The following RNF216 variants were observed in gnomAD, a reference collection of about 807,000 sequenced individuals.
RNF216 encodes the protein ring finger protein 216, also known as E3 ubiquitin-protein ligase RNF216.
In RNF216, 72 loss-of-function variants were observed where a neutral mutation model predicts 110.8. The ratio of observed to expected loss-of-function variants is 0.65; its 90% CI spans 0.54 to 0.79. The LOEUF (loss-of-function observed/expected upper bound fraction) is 0.79. Among genes scored for constraint, RNF216 ranks in the 30% least tolerant of loss-of-function variants. The pLI is 0.00. For missense variants in RNF216, 1,342 were observed against 1,141.2 expected, an observed-to-expected ratio of 1.18 and a Z score of -2.54; for synonymous variants, 495 against 407.5, an observed-to-expected ratio of 1.21 and a Z score of -2.59.
intron 1 of RNF216, among the ~76,000 whole-genome samples, chr7:5,775,383 T>G (rs1287129034): frequency 6.6e-6 from 1 of 152,206 alleles, no homozygotes; most frequent in Non-Finnish European, 1.5e-5. Flanking sequence ...CTCCTTGTTC[T>G]ATTCATGCTG....
intron 13 of RNF216, among the ~76,000 whole-genome samples, chr7:5,694,875 C>A (rs531755783): frequency 6.6e-6 from 1 of 152,336 alleles, no homozygotes; most frequent in African/African-American, 2.4e-5. Context: ...TGATTTTGAA[C>A]ATTTATTTAT....
chr7:5,708,134 G>C (rs1376764286), intron 13 of RNF216, among the ~76,000 whole-genome samples: 3 of 152,164 alleles, frequency 2.0e-5, no homozygotes, highest in Non-Finnish European at 4.4e-5. Flanking sequence ...TCTTAAATTT[G>C]TTAAGACCTG....
chr7:5,726,437 T>A (rs1038912100), intron 7 of RNF216, among the ~76,000 whole-genome samples: 3 of 152,210 alleles, frequency 2.0e-5, no homozygotes, highest in South Asian at 2.1e-4. Flanking sequence ...CTCTTCTCTG[T>A]GTGCACCTAT....
At chr7:5,627,916 C>T (rs553472469) in intron 15 of RNF216, among the ~76,000 whole-genome samples, 81 of 152,274 alleles carry the variant, frequency 5.3e-4, no homozygotes, top group East Asian at 2.9e-3. Context: ...ACTAAGCTTC[C>T]GTGATAAATC....
At chr7:5,771,784 T>A (rs569939761) in intron 1 of RNF216, among the ~76,000 whole-genome samples, 1 of 151,370 alleles carries the variant, frequency 6.6e-6, no homozygotes, top group East Asian at 1.9e-4. Context: ...GCAATGGGAG[T>A]GAAACCCTGT....
At chr7:5,694,276 A>G (rs901928924) in intron 13 of RNF216, among the ~76,000 whole-genome samples, 1 of 152,252 alleles carries the variant, frequency 6.6e-6, no homozygotes, top group Non-Finnish European at 1.5e-5. Flanking sequence ...AGGTCTAGGT[A>G]TGCAGTACTT....
At chr7:5,656,031 G>A (rs1788719110) in intron 13 of RNF216, among the ~76,000 whole-genome samples, 1 of 152,112 alleles carries the variant, frequency 6.6e-6, no homozygotes, top group Non-Finnish European at 1.5e-5. Context: ...CACTTTGGAA[G>A]GCTGAGGGGA....
intron 2 of RNF216, among the ~76,000 whole-genome samples, chr7:5,757,680 G>C (rs979809209): frequency 1.3e-5 from 2 of 152,104 alleles, no homozygotes; most frequent in African/African-American, 4.8e-5. Context: ...TATATGAAAT[G>C]ACAGAGTCAA....
intron 5 of RNF216, among the ~76,000 whole-genome samples, chr7:5,736,002 AG>A (rs1794374079): frequency 6.6e-6 from 1 of 152,190 alleles, no homozygotes; most frequent in African/African-American, 2.4e-5. Context: ...CTGAGGCAGG[AG>A]AATCACTTGA....
intron 13 of RNF216, among the ~76,000 whole-genome samples, chr7:5,668,963 A>C (rs888763496): frequency 5.3e-5 from 8 of 152,222 alleles, no homozygotes. Flanking sequence ...GCTCTTATCC[A>C]GCCGAAATCT....
chr7:5,747,802 A>G (rs1261655297), intron 3 of RNF216, among the ~76,000 whole-genome samples: 2 of 151,274 alleles, frequency 1.3e-5, no homozygotes, highest in African/African-American at 2.4e-5. Context: ...AAAATAAATA[A>G]TAACTAGATA....
Position 5,754,193 on chromosome 7 carries a change from T to C in RNF216, c.68-1214A>G, listed in dbSNP as rs187285569. 8.6e-5 allele frequency among the ~76,000 whole-genome samples: 13 copies of C among 151,296 alleles called. 1 individual carries two copies. The South Asian group carries it at 1.3e-3, about 15-fold the overall frequency. Reference sequence around the variant, plus strand: ...TTGTCTGGGACAGGGTCTTGCTCTATTGCCCAGACTGCAGTACAATGGTGC... The same window carrying C: ...TTGTCTGGGACAGGGTCTTGCTCTACTGCCCAGACTGCAGTACAATGGTGC... On this transcript the variant is annotated intron_variant, in intron 2 of 16. Transcript: ENST00000389902.
intron 13 of RNF216, among the ~76,000 whole-genome samples, chr7:5,702,336 G>A (rs927515480): frequency 6.6e-6 from 1 of 152,170 alleles, no homozygotes; most frequent in African/African-American, 2.4e-5. Flanking sequence ...GGATAAAGTA[G>A]CTGAAATACA....
chr7:5,754,551 G>A (rs1333868496), intron 2 of RNF216, among the ~76,000 whole-genome samples: 1 of 152,086 alleles, frequency 6.6e-6, no homozygotes. Flanking sequence ...TCATTCTGAA[G>A]AGATACTGAG....
Position 5,729,683 on chromosome 7 carries a change from AAAG to A in RNF216, c.1225-90_1225-88del, listed in dbSNP as rs1050727781. The A allele has an allele frequency of 7.3e-5, 81 of 1,116,208 alleles. No homozygotes were observed. In the African/African-American group the frequency reaches 1.2e-3, roughly 16 times the overall value. The allele number at this position is 1,116,208 out of a possible 1,614,324, so 69.1% of individuals were successfully genotyped here. On this transcript the variant is annotated intron_variant, in intron 6 of 16. Coordinates refer to ENST00000389902, the MANE Select transcript of RNF216 (RefSeq NM_207111.4). ...TCATTTTAAGAATTACATGTGTAGA[AAAG>A]AATAACATTTGTTCTAATTACTCTA...
rs566919136 is a variant in RNF216 at position 5,659,969 on chromosome 7, T to C, written c.2062-7459A>G. Among the ~76,000 whole-genome samples the C allele has an allele frequency of 2.2e-4, 33 of 151,584 alleles. No homozygotes were observed. The South Asian group carries it at 6.7e-3, about 31-fold the overall frequency. The stretch of plus-strand genomic sequence containing the variant: ...ATTCATTAATTTTTTTTTTTTTTTT[T>C]TTAGAGACAAGGTCTTGCTCTGTTG... On this transcript the variant is annotated intron_variant, in intron 13 of 16. Coordinates refer to ENST00000389902, the MANE Select transcript of RNF216 (RefSeq NM_207111.4).
chr7:5,780,293 G>T (rs1482552742), intron 1 of RNF216: 1 of 152,160 alleles, frequency 6.6e-6, no homozygotes, highest in Non-Finnish European at 1.5e-5. Flanking sequence ...CCAGGTGCAT[G>T]TGAGGGCCAC....
Position 5,621,566 on chromosome 7 carries a change from A to T in RNF216, c.*1294T>A, listed in dbSNP as rs1178585773. On this transcript the variant is annotated 3_prime_UTR_variant, in exon 17 of 17. Transcript: ENST00000389902. ...TGGGTGGGCCAGGCCCTGCTTCAGG[A>T]GGTGGCGGGCCACTCCGGAGACTGA... 2.0e-5 allele frequency: 3 copies of T among 152,238 alleles called. No individual in the cohort carries two copies. Among genetic ancestry groups the T allele is most frequent in the Non-Finnish European group, 2.9e-5 (2 of 68,070 alleles). 9.4% of individuals were successfully genotyped at this position (152,238 alleles called of 1,614,324 possible).
chr7:5,667,524 C>G (rs1789608645), intron 13 of RNF216, among the ~76,000 whole-genome samples: 1 of 152,222 alleles, frequency 6.6e-6, no homozygotes, highest in African/African-American at 2.4e-5. Flanking sequence ...CCAGCCTTCT[C>G]CATCCTGCAG....
Sources: gnomAD v4.1 joint callset for allele counts (sites outside exome capture counted in the v4.1 genomes callset) on GRCh38, gnomAD v4.1.1 for gene constraint, MANE v1.5 for transcripts, NCBI Gene and HGNC (gene_info 2026-07-23, HGNC 2026-07-21) for gene names.